Variants in PREX1 observed in about 807,000 individuals in gnomAD.
The protein encoded by PREX1 is phosphatidylinositol 3,4,5-trisphosphate-dependent Rac exchanger 1 protein.
PREX1 carries 41 observed loss-of-function variants against 198.3 expected under a neutral mutation model. That is an observed-to-expected ratio of 0.21 (90% CI 0.16 to 0.27). PREX1 has a LOEUF of 0.27. PREX1 is among the 10% of genes least tolerant of loss of function. PREX1 has a pLI of 1.00. For synonymous variants in PREX1, 843 were observed against 887.2 expected (o/e 0.95, Z 0.89); for missense variants, 1,620 against 2,200.7 (o/e 0.74, Z 5.28).
At chr20:48,784,987 C>T (rs2090305558) in intron 1 of PREX1, among the ~76,000 whole-genome samples, 1 of 151,850 alleles carries the variant, frequency 6.6e-6, no homozygotes, top group South Asian at 2.1e-4. Flanking sequence ...GATCTCGGCT[C>T]ACTGCAGCCT....
chr20:48,815,616 G>C (rs779512202), intron 1 of PREX1, among the ~76,000 whole-genome samples: 6 of 152,210 alleles, frequency 3.9e-5, no homozygotes, highest in Non-Finnish European at 8.8e-5. Flanking sequence ...CCCGTGGCCA[G>C]GTCTAAGCCT....
chr20:48,800,449 A>T (rs2090381471), intron 1 of PREX1, among the ~76,000 whole-genome samples: 1 of 152,084 alleles, frequency 6.6e-6, no homozygotes, highest in Admixed American at 6.5e-5. Context: ...AATAAAGATA[A>T]TAATAGTAAC....
At chr20:48,753,414 T>C (rs1368156749) in intron 1 of PREX1, among the ~76,000 whole-genome samples, 5 of 152,072 alleles carry the variant, frequency 3.3e-5, no homozygotes, top group South Asian at 2.1e-4. Context: ...CTAGAAGACA[T>C]GTGCCAATGT....
Position 48,651,581 on chromosome 20 carries a change from A to T in PREX1, c.2470T>A (p.Phe824Ile). 6.2e-7 allele frequency: 1 copy of T among 1,612,554 alleles called. No homozygotes were observed. The highest frequency in any genetic ancestry group is 8.5e-7 in the Non-Finnish European group (1 of 1,179,266). Residue 824 changes from phenylalanine (F) to isoleucine (I), a missense_variant and splice_region_variant, in exon 22 of 40, where the codon TTC becomes ATC. By Grantham distance (21) the Phe-to-Ile change is conservative. This residue lies in a region of PREX1 where 514 missense variants were observed against 611.6 expected (regional missense o/e 0.84). Coordinates refer to ENST00000371941, the MANE Select transcript of PREX1 (RefSeq NM_020820.4). ...AQEEDQADSA[F>I]PLLSLGPRLS... ...CGGGGACCCAGGGACAGCAGTGGGA[A>T]GGCTGGAAGCCAAAAGAGGTGACAT...
chr20:48,690,854 A>G, intron 9 of PREX1, 93 bp downstream of exon 9: 2 of 1,542,130 alleles, frequency 1.3e-6, no homozygotes, highest in Non-Finnish European at 1.8e-6. Context: ...CCTGAAAAGG[A>G]CCCTATGCCC....
Position 48,646,034 on chromosome 20 carries a change from G to T in PREX1, c.3329C>A (p.Pro1110His), listed in dbSNP as rs527243767. Residue 1110 changes from proline (P) to histidine (H), a missense_variant, in exon 26 of 40, where the codon CCC (proline) becomes CAC (histidine). Coordinates refer to ENST00000371941, the MANE Select transcript of PREX1 (RefSeq NM_020820.4). ...TGCGTCGCAGGACCCACCCGAGGTG[G>T]GCTCTGTGATGGTGGACAGCAGCCT... ...INRLLSTITE[P>H]TSGGSCDASL... is the part of the protein sequence containing the mutation. 13 of 1,613,996 alleles carry T rather than the reference G, an allele frequency of 8.1e-6. No homozygotes were observed. In the South Asian group the frequency reaches 1.3e-4, roughly 16 times the overall value.
At chr20:48,787,419 A>G (rs545496530) in intron 1 of PREX1, among the ~76,000 whole-genome samples, 3 of 152,270 alleles carry the variant, frequency 2.0e-5, no homozygotes, top group Admixed American at 1.3e-4. Context: ...CCAAAACATC[A>G]CACATTACAA....
chr20:48,866,604 G>A, the PREX1 span, among the ~76,000 whole-genome samples: 1 of 152,152 alleles, frequency 6.6e-6, no homozygotes, highest in Non-Finnish European at 1.5e-5. Flanking sequence ...ATGGGGCGAG[G>A]GTTGGGGAGA....
chr20:48,886,021 G>A, the PREX1 span, among the ~76,000 whole-genome samples: 1 of 152,202 alleles, frequency 6.6e-6, no homozygotes, highest in African/African-American at 2.4e-5. Context: ...CCCATAGAAT[G>A]TGCAATCCCG....
intron 4 of PREX1, among the ~76,000 whole-genome samples, chr20:48,733,159 T>A (rs1168816652): frequency 1.3e-5 from 2 of 152,242 alleles, no homozygotes; most frequent in African/African-American, 4.8e-5. Context: ...TATACATAAG[T>A]GAGGCTCTCT....
chr20:48,795,416 ACCC>A (rs1374850699), intron 1 of PREX1, among the ~76,000 whole-genome samples: 1 of 149,940 alleles, frequency 6.7e-6, no homozygotes, highest in African/African-American at 2.5e-5. Flanking sequence ...GCTTGCCCCA[ACCC>A]CCCACCCCTG....
chr20:48,664,710 C>T (rs939512364), intron 15 of PREX1, among the ~76,000 whole-genome samples: 2 of 152,262 alleles, frequency 1.3e-5, no homozygotes, highest in Non-Finnish European at 2.9e-5. Context: ...CCTCTAAACC[C>T]GCACGATCTG....
chr20:48,761,479 C>T (rs748670712), intron 1 of PREX1, among the ~76,000 whole-genome samples: 1 of 152,114 alleles, frequency 6.6e-6, no homozygotes, highest in South Asian at 2.1e-4. Context: ...CTCCCACCCC[C>T]ACCCAGATTC....
intron 1 of PREX1, among the ~76,000 whole-genome samples, chr20:48,757,014 C>A (rs1601117117): frequency 6.6e-6 from 1 of 152,080 alleles, no homozygotes; most frequent in African/African-American, 2.4e-5. Flanking sequence ...TGGGAAAGAC[C>A]CGCCCCCATG....
intron 1 of PREX1, among the ~76,000 whole-genome samples, chr20:48,751,455 G>C (rs1197031325): frequency 6.6e-6 from 1 of 152,194 alleles, no homozygotes; most frequent in Non-Finnish European, 1.5e-5. Flanking sequence ...GCCACCCACT[G>C]AGGAACTGCA....
chr20:48,834,584 G>T, the PREX1 span, among the ~76,000 whole-genome samples: 2 of 151,668 alleles, frequency 1.3e-5, no homozygotes, highest in Non-Finnish European at 2.9e-5. Flanking sequence ...TTTGAGATAG[G>T]GTCTCACTCT....
chr20:48,825,335 G>A (rs1280154061), intron 1 of PREX1, among the ~76,000 whole-genome samples: 1 of 152,150 alleles, frequency 6.6e-6, no homozygotes, highest in Admixed American at 6.5e-5. Context: ...TTTCACAGGT[G>A]GGGAAACTGA....
the PREX1 span, among the ~76,000 whole-genome samples, chr20:48,883,227 C>T: frequency 6.6e-6 from 1 of 152,022 alleles, no homozygotes; most frequent in East Asian, 1.9e-4. Flanking sequence ...AGACACCGTG[C>T]CTGGCCCATT....
intron 1 of PREX1, among the ~76,000 whole-genome samples, chr20:48,798,129 A>G (rs2090371339): frequency 6.6e-6 from 1 of 152,128 alleles, no homozygotes; most frequent in Admixed American, 6.5e-5. Flanking sequence ...AATGTCCTCA[A>G]GTCTGCCGCA....
Sources: gnomAD v4.1 joint callset for allele counts (sites outside exome capture counted in the v4.1 genomes callset) on GRCh38, gnomAD v4.1.1 for gene constraint, gnomAD v4.1.1 regional missense constraint, MANE v1.5 for transcripts, NCBI Gene and HGNC (gene_info 2026-07-23, HGNC 2026-07-21) for gene names.